Variants in HPSE2 observed in about 807,000 individuals in gnomAD.
HPSE2 encodes heparanase 2 (inactive).
A neutral mutation model predicts 60.5 loss-of-function variants in HPSE2; 38 were observed. The ratio of observed to expected loss-of-function variants is 0.63; its 90% CI spans 0.48 to 0.82. The LOEUF is 0.82. Ranked by LOEUF, HPSE2 falls within the 40% of genes least tolerant of loss-of-function variation. The pLI is 0.00. For missense variants in HPSE2, 713 were observed against 740.4 expected (o/e 0.96, Z 0.43); for synonymous variants, 295 against 293.2 (o/e 1.01, Z -0.06).
At chr10:98,536,583 G>A (rs1164344570) in intron 9 of HPSE2, among the ~76,000 whole-genome samples, 1 of 152,200 alleles carries the variant, frequency 6.6e-6, no homozygotes, top group African/African-American at 2.4e-5. Context: ...TGCCATCTAA[G>A]GCCAAGGGAA....
At chr10:98,899,655 A>C (rs1267555580) in intron 3 of HPSE2, among the ~76,000 whole-genome samples, 2 of 152,096 alleles carry the variant, frequency 1.3e-5, no homozygotes, top group Non-Finnish European at 2.9e-5. Flanking sequence ...TAAAAGACTG[A>C]CAATAGCAAG....
chr10:98,990,801 T>A (rs1288318152), intron 3 of HPSE2, among the ~76,000 whole-genome samples: 3 of 152,066 alleles, frequency 2.0e-5, no homozygotes, highest in Non-Finnish European at 2.9e-5. Flanking sequence ...CCTAATAGAG[T>A]CTATCCTATT....
chr10:99,267,766 C>T, the HPSE2 span, among the ~76,000 whole-genome samples: 5 of 139,420 alleles, frequency 3.6e-5, no homozygotes, highest in African/African-American at 1.0e-4. Context: ...GGCAACAGAG[C>T]GAGACTCCAT....
the HPSE2 span, among the ~76,000 whole-genome samples, chr10:99,265,637 C>T: frequency 2.0e-5 from 3 of 152,152 alleles, no homozygotes; most frequent in African/African-American, 7.2e-5. Context: ...TGAGGCAGGA[C>T]TAAATTGCAG....
chr10:99,291,160 G>A, the HPSE2 span, among the ~76,000 whole-genome samples: 1 of 152,166 alleles, frequency 6.6e-6, no homozygotes, highest in African/African-American at 2.4e-5. Context: ...CAAGGTTGAT[G>A]TCAGAATAAC....
intron 3 of HPSE2, among the ~76,000 whole-genome samples, chr10:98,938,647 T>C (rs554635584): frequency 2.1e-5 from 3 of 144,106 alleles, no homozygotes; most frequent in Non-Finnish European, 4.5e-5. Context: ...TGCAACCAAG[T>C]TGGAAAACCC....
At chr10:99,020,581 A>G (rs562128927) in intron 3 of HPSE2, among the ~76,000 whole-genome samples, 19 of 152,270 alleles carry the variant, frequency 1.2e-4, no homozygotes, top group Admixed American at 1.2e-3. Flanking sequence ...TCCTTTTGCA[A>G]GTTTAAAATG....
chr10:98,704,639 G>A (rs1297491077), intron 5 of HPSE2, among the ~76,000 whole-genome samples: 1 of 151,910 alleles, frequency 6.6e-6, no homozygotes, highest in African/African-American at 2.4e-5. Context: ...TCGACAAACT[G>A]GACAAAACAA....
chr10:98,957,878 G>C (rs949152919), intron 3 of HPSE2, among the ~76,000 whole-genome samples: 1 of 152,058 alleles, frequency 6.6e-6, no homozygotes, highest in Non-Finnish European at 1.5e-5. Flanking sequence ...TCCAGAAAAG[G>C]CTCTCTTAAC....
At chr10:99,299,560 G>T in the HPSE2 span, among the ~76,000 whole-genome samples, 1 of 152,124 alleles carries the variant, frequency 6.6e-6, no homozygotes, top group Non-Finnish European at 1.5e-5. Flanking sequence ...AGAATTCAAG[G>T]TATTGCTCAT....
rs986920594 is a variant in HPSE2, at chr10:98,938,883, T to C, written c.611-194827A>G. ...GGAAGTCCATCAGACTAACAGCTGATCTCTTGGCAGAAACTCTACAAGCCA... is the reference window on the plus strand; with the variant it reads ...GGAAGTCCATCAGACTAACAGCTGACCTCTTGGCAGAAACTCTACAAGCCA... On this transcript the variant is annotated intron_variant, in intron 3 of 11. Transcript: ENST00000370552. Among the ~76,000 whole-genome samples, 9 of 144,174 alleles carry C rather than the reference T, an allele frequency of 6.2e-5. 1 individual carries two copies. The highest frequency in any genetic ancestry group is 2.5e-4 in the African/African-American group (9 of 35,492). The allele number at this position is 144,174 out of a possible 152,430, so 94.6% of individuals were successfully genotyped here.
At position 99,067,276 on chromosome 10, in the gene HPSE2, C is replaced by A. The variant is rs1842646436; in HGVS notation, c.610+76962G>T. On this transcript the variant is annotated intron_variant, in intron 3 of 11. Transcript: ENST00000370552. ...TGCATGGTGCAATCTGTCAGTGGATCTACCATTCTGGGGTCTGGAGGATGG... is the reference window on the plus strand; with the variant it reads ...TGCATGGTGCAATCTGTCAGTGGATATACCATTCTGGGGTCTGGAGGATGG... Among the ~76,000 whole-genome samples the A allele has an allele frequency of 5.9e-5, 9 of 152,276 alleles. No individual in the cohort carries two copies. In the South Asian group the frequency reaches 8.3e-4, roughly 14 times the overall value.
At chr10:98,832,769 T>G (rs572322029) in intron 3 of HPSE2, among the ~76,000 whole-genome samples, 18 of 152,142 alleles carry the variant, frequency 1.2e-4, no homozygotes, top group Admixed American at 2.6e-4. Context: ...GTAAGAAATG[T>G]GTATATTAGG....
rs528665069 is a variant in HPSE2 at position 98,512,378 on chromosome 10, G to A, written c.1321-22182C>T. Among the ~76,000 whole-genome samples the A allele has an allele frequency of 9.9e-5, 15 of 152,218 alleles. No individual in the cohort carries two copies. In the South Asian group the frequency reaches 1.0e-3, roughly 11 times the overall value. On this transcript the variant is annotated intron_variant, in intron 9 of 11. Coordinates refer to ENST00000370552, the MANE Select transcript of HPSE2 (RefSeq NM_021828.5). ...GGGCGGATCACGAGGTCCGGAGATC[G>A]AGACCATCCTGGCTAACACGGTGAA...
At chr10:98,462,068 A>G (rs537921431) in intron 11 of HPSE2, among the ~76,000 whole-genome samples, 5 of 152,366 alleles carry the variant, frequency 3.3e-5, no homozygotes, top group Admixed American at 3.3e-4. Flanking sequence ...ATCTGTAAGA[A>G]CGTTATATAG....
chr10:98,525,968 C>A (rs887344510), intron 9 of HPSE2, among the ~76,000 whole-genome samples: 1 of 152,164 alleles, frequency 6.6e-6, no homozygotes, highest in South Asian at 2.1e-4. Flanking sequence ...ATCGCAGGAA[C>A]AACAATCTGA....
At chr10:99,023,777 G>GT (rs1477336572) in intron 3 of HPSE2, among the ~76,000 whole-genome samples, 1 of 152,160 alleles carries the variant, frequency 6.6e-6, no homozygotes, top group East Asian at 1.9e-4. Flanking sequence ...GAACCACAGT[G>GT]TTACTGGGTT....
chr10:98,771,015 T>C (rs868054109), intron 3 of HPSE2, among the ~76,000 whole-genome samples: 3 of 152,008 alleles, frequency 2.0e-5, no homozygotes, highest in Non-Finnish European at 4.4e-5. Context: ...TTAAAAGACA[T>C]GAGGAGAAAA....
chr10:99,129,756 C>T (rs1483793456), intron 3 of HPSE2, among the ~76,000 whole-genome samples: 1 of 148,922 alleles, frequency 6.7e-6, no homozygotes, highest in Non-Finnish European at 1.5e-5. Flanking sequence ...CAAACCCAAA[C>T]CAAGCAGAAG....
Sources: allele counts gnomAD v4.1 joint callset (sites outside exome capture counted in the v4.1 genomes callset), GRCh38; gene constraint gnomAD v4.1.1; transcripts MANE v1.5; gene names NCBI Gene and HGNC (gene_info 2026-07-23, HGNC 2026-07-21).